The following TENT5C variants were observed in gnomAD, a reference collection of about 807,000 sequenced individuals.
The protein encoded by TENT5C is terminal nucleotidyltransferase 5C, also known as family with sequence similarity 46 member C.
Under a neutral mutation model 22.2 loss-of-function variants are expected in TENT5C, and 5 were observed. That is an observed-to-expected ratio of 0.22 (90% CI 0.12 to 0.47). The LOEUF is 0.47. TENT5C is among the 20% of genes least tolerant of loss of function. The pLI is 0.99. For missense variants in TENT5C, 364 were observed against 500.9 expected, an observed-to-expected ratio of 0.73 and a Z score of 2.61; for synonymous variants, 199 against 195.4, an observed-to-expected ratio of 1.02 and a Z score of -0.15.
At position 117,624,285 on chromosome 1, in the gene TENT5C, A is replaced by G. The variant is rs1558008262; in HGVS notation, c.*241A>G. 2.0e-6 allele frequency: 1 copy of G among 492,182 alleles called. No homozygotes were observed. The highest frequency in any genetic ancestry group is 3.6e-6 in the Non-Finnish European group (1 of 276,994). The allele number at this position is 492,182 out of a possible 1,614,324, so 30.5% of individuals were successfully genotyped here. A position where few individuals can be genotyped will look rare whatever the true frequency, so the allele number is the denominator to read the frequency against. On this transcript the variant is annotated 3_prime_UTR_variant, in exon 2 of 2. Coordinates refer to ENST00000369448, the MANE Select transcript of TENT5C (RefSeq NM_017709.4). ...GAAAACGCTACAGGAAGCATGACCT[A>G]TCCACATCTTTCCAAGATAGACACT...
rs1228192589 is a variant in TENT5C, at chr1:117,611,710, G to A, written c.-28+5557G>A. ...ATTTTTTAAAAAATTAGCTGGGTGT[G>A]GTGGCACGTGCCTGTGGTACCAGCT... On this transcript the variant is annotated intron_variant, in intron 1 of 1. Coordinates refer to ENST00000369448, the MANE Select transcript of TENT5C (RefSeq NM_017709.4). 2.0e-5 allele frequency among the ~76,000 whole-genome samples: 3 copies of A among 152,042 alleles called. No individual in the cohort carries two copies. The East Asian group carries it at 5.8e-4, about 29-fold the overall frequency.
chr1:117,621,681 G>T (rs538040455), intron 1 of TENT5C, among the ~76,000 whole-genome samples: 2 of 152,290 alleles, frequency 1.3e-5, no homozygotes, highest in South Asian at 4.1e-4. Context: ...TAGCAAGTCA[G>T]AAAGGCGGAG....
rs997497628 is a variant in TENT5C, at chr1:117,624,998, T to G, written c.*954T>G. ...TCCAGAGTCATTGTGGTAACTGACA[T>G]GAGGGTCTTCCCATGTTTTAACTGG... On this transcript the variant is annotated 3_prime_UTR_variant, in exon 2 of 2. Coordinates refer to ENST00000369448, the MANE Select transcript of TENT5C (RefSeq NM_017709.4). The G allele has an allele frequency of 2.0e-5, 5 of 247,994 alleles. No individual in the cohort carries two copies. Among genetic ancestry groups the G allele is most frequent in the African/African-American group, 8.8e-5 (4 of 45,334 alleles). 15.4% of individuals were successfully genotyped at this position (247,994 alleles called of 1,614,324 possible).
Position 117,623,051 on chromosome 1 carries a change from G to C in TENT5C, c.183G>C (p.Glu61Asp), listed in dbSNP as rs1653932856. 1 of 1,614,128 alleles carries C rather than the reference G, an allele frequency of 6.2e-7. No individual in the cohort carries two copies. Among genetic ancestry groups the C allele is most frequent in the African/African-American group, 1.3e-5 (1 of 74,940 alleles). ...IVQTVRSRLE[E>D]AGIKVHDVRL... The stretch of plus-strand genomic sequence containing the variant: ...AGACCGTCCGCAGTCGGCTGGAGGA[G>C]GCAGGCATCAAAGTGCACGACGTCC... The change falls in exon 2 of 2, where the codon GAG (glutamate) becomes GAC (aspartate). Residue 61 changes from glutamate to aspartate, a missense_variant. Physicochemically the swap from Glu to Asp is conservative, Grantham distance 45. This residue lies in a region of TENT5C where 303 missense variants were observed against 394.5 expected (regional missense o/e 0.77). Coordinates refer to ENST00000369448, the MANE Select transcript of TENT5C (RefSeq NM_017709.4).
chr1:117,625,545 CAG>C lies in TENT5C; in HGVS notation c.*1505_*1506del, dbSNP rs1413363977. ...TCCCTTAGAAAGCATCACTTCAGGG[CAG>C]AGACACTCAATATTGCCAGCCAGCT... On this transcript the variant is annotated 3_prime_UTR_variant, in exon 2 of 2. Coordinates refer to ENST00000369448, the MANE Select transcript of TENT5C (RefSeq NM_017709.4). 1 of 247,912 alleles carries C rather than the reference CAG, an allele frequency of 4.0e-6. No individual in the cohort carries two copies. The highest frequency in any genetic ancestry group is 8.5e-6 in the Non-Finnish European group (1 of 118,112). 15.4% of individuals were successfully genotyped at this position (247,912 alleles called of 1,614,324 possible).
At position 117,626,793 on chromosome 1, in the gene TENT5C, C is replaced by G. The variant is rs1293616825; in HGVS notation, c.*2749C>G. 1 of 248,004 alleles carries G rather than the reference C, an allele frequency of 4.0e-6. No homozygotes were observed. Among genetic ancestry groups the G allele is most frequent in the Non-Finnish European group, 8.5e-6 (1 of 118,142 alleles). 15.4% of individuals were successfully genotyped at this position (248,004 alleles called of 1,614,324 possible). A position where few individuals can be genotyped will look rare whatever the true frequency, so the allele number is the denominator to read the frequency against. Reference sequence around the variant, plus strand: ...AAGTTCTAATCTAAAGTTAAGCAGTCTCTTATTTGTTTCGGGACTCTGATT... The same window carrying G: ...AAGTTCTAATCTAAAGTTAAGCAGTGTCTTATTTGTTTCGGGACTCTGATT... On this transcript the variant is annotated 3_prime_UTR_variant, in exon 2 of 2. Coordinates refer to ENST00000369448, the MANE Select transcript of TENT5C (RefSeq NM_017709.4).
chr1:117,608,376 CCA>C (rs1653591343), intron 1 of TENT5C, among the ~76,000 whole-genome samples: 2 of 152,258 alleles, frequency 1.3e-5, no homozygotes, highest in South Asian at 4.1e-4. Context: ...CTCCCGAGTT[CCA>C]GAGGCCCGTC....
chr1:117,610,997 C>T (rs763946769), intron 1 of TENT5C, among the ~76,000 whole-genome samples: 1 of 152,164 alleles, frequency 6.6e-6, no homozygotes, highest in South Asian at 2.1e-4. Flanking sequence ...CTTCCGTTGC[C>T]GTAAGCATCT....
Position 117,623,791 on chromosome 1 carries a change from T to C in TENT5C, c.923T>C (p.Met308Thr), listed in dbSNP as rs770016455. 1 of 1,614,174 alleles carries C rather than the reference T, an allele frequency of 6.2e-7. No homozygotes were observed. The highest frequency in any genetic ancestry group is 2.2e-5 in the East Asian group (1 of 44,890). ...GAGAGAAGCAAGTACGACTACCTCA[T>C]GATCCTTCGCAGGGTGGTGAACGAG... The part of the protein sequence containing the change: ...EEERSKYDYL[M>T]ILRRVVNEST... The change falls in exon 2 of 2, where the codon ATG becomes ACG. Residue 308 changes from methionine to threonine, a missense_variant. Coordinates refer to ENST00000369448, the MANE Select transcript of TENT5C (RefSeq NM_017709.4).
Position 117,625,117 on chromosome 1 carries a change from T to G in TENT5C, c.*1073T>G. The stretch of plus-strand genomic sequence containing the variant: ...TTTTGTTCTTTTCGTTTTTTTTTTT[T>G]CCAAAAATAGTGACTTCCTTCTCCA... On this transcript the variant is annotated 3_prime_UTR_variant, in exon 2 of 2. Coordinates refer to ENST00000369448, the MANE Select transcript of TENT5C (RefSeq NM_017709.4). 4.0e-6 allele frequency: 1 copy of G among 247,636 alleles called. No homozygotes were observed. Among genetic ancestry groups the G allele is most frequent in the East Asian group, 6.0e-5 (1 of 16,572 alleles). 15.3% of individuals were successfully genotyped at this position (247,636 alleles called of 1,614,324 possible).
chr1:117,613,318 C>A (rs763717878), intron 1 of TENT5C, among the ~76,000 whole-genome samples: 3 of 152,240 alleles, frequency 2.0e-5, no homozygotes, highest in Non-Finnish European at 4.4e-5. Flanking sequence ...TTTGCAACCA[C>A]GTCAGAGTAT....
chr1:117,620,018 A>G (rs961532396), intron 1 of TENT5C, among the ~76,000 whole-genome samples: 4 of 152,124 alleles, frequency 2.6e-5, no homozygotes, highest in Non-Finnish European at 5.9e-5. Context: ...TTCTGTCTAA[A>G]ACAAATTCTA....
chr1:117,624,089 A>G lies in TENT5C; in HGVS notation c.*45A>G. The stretch of plus-strand genomic sequence containing the variant: ...CCACAGTGGGAACCCCAATAGGGCT[A>G]GGGCTCTCAGGTAGGGGAGCCTCCT... On this transcript the variant is annotated 3_prime_UTR_variant, in exon 2 of 2. Transcript: ENST00000369448. 6.6e-7 allele frequency: 1 copy of G among 1,508,466 alleles called. No homozygotes were observed. The highest frequency in any genetic ancestry group is 9.0e-7 in the Non-Finnish European group (1 of 1,113,652). 93.4% of individuals were successfully genotyped at this position (1,508,466 alleles called of 1,614,324 possible).
Position 117,623,861 on chromosome 1 carries a change from C to T in TENT5C, c.993C>T (p.Asn331=), listed in dbSNP as rs1653951451. The stretch of plus-strand genomic sequence containing the variant: ...GGCATGAACGCAGGCAGACTCTGAA[C>T]CTCATCTCCCTCCTGGCCTTGCGTG... The part of the protein sequence containing the change: ...LMGHERRQTL[N]LISLLALRVL... Residue 331 remains asparagine, a synonymous_variant, in exon 2 of 2, where the codon AAC becomes AAT. Transcript: ENST00000369448. The T allele has an allele frequency of 1.9e-6, 3 of 1,614,134 alleles. No homozygotes were observed. The highest frequency in any genetic ancestry group is 2.2e-5 in the East Asian group (1 of 44,878).
Position 117,623,096 on chromosome 1 carries a change from T to TG in TENT5C, c.230dup (p.His78ProfsTer32). On this transcript the variant is annotated frameshift_variant, in exon 2 of 2. Coordinates refer to ENST00000369448, the MANE Select transcript of TENT5C (RefSeq NM_017709.4). LOFTEE classifies it high-confidence loss of function. ...ACGTCCGGCTGAATGGCTCCGCAGC[T>TG]GGCCACGTTTTGGTCAAAGACAATG... The TG allele has an allele frequency of 6.2e-7, 1 of 1,614,260 alleles. No individual in the cohort carries two copies. The highest frequency in any genetic ancestry group is 8.5e-7 in the Non-Finnish European group (1 of 1,180,054).
At chr1:117,616,244 G>C (rs553941269) in intron 1 of TENT5C, among the ~76,000 whole-genome samples, 1 of 152,356 alleles carries the variant, frequency 6.6e-6, no homozygotes, top group South Asian at 2.1e-4. Context: ...TTGAAGTGAA[G>C]TGGCTCATAC....
Position 117,626,069 on chromosome 1 carries a change from T to G in TENT5C, c.*2025T>G, listed in dbSNP as rs534147233. On this transcript the variant is annotated 3_prime_UTR_variant, in exon 2 of 2. Coordinates refer to ENST00000369448, the MANE Select transcript of TENT5C (RefSeq NM_017709.4). Reference sequence around the variant, plus strand: ...CATTCATGACCTTAAAAAGCTGCCATGGTGGTCAAATGGCATGTGTTTGCA... The same window carrying G: ...CATTCATGACCTTAAAAAGCTGCCAGGGTGGTCAAATGGCATGTGTTTGCA... 8.1e-6 allele frequency: 2 copies of G among 247,908 alleles called. No homozygotes were observed. The highest frequency in any genetic ancestry group is 1.7e-5 in the Non-Finnish European group (2 of 118,034). 15.4% of individuals were successfully genotyped at this position (247,908 alleles called of 1,614,324 possible).
At chr1:117,613,029 CCTT>C (rs1035539978) in intron 1 of TENT5C, among the ~76,000 whole-genome samples, 3 of 152,170 alleles carry the variant, frequency 2.0e-5, no homozygotes, top group African/African-American at 7.2e-5. Flanking sequence ...GCAGTCTCCT[CCTT>C]AGGAATCATC....
chr1:117,619,987 C>T (rs1653859969), intron 1 of TENT5C, among the ~76,000 whole-genome samples: 1 of 152,182 alleles, frequency 6.6e-6, no homozygotes, highest in Admixed American at 6.5e-5. Context: ...TCTGCCTCTC[C>T]TACCATATGA....
Sources: allele counts gnomAD v4.1 joint callset (sites outside exome capture counted in the v4.1 genomes callset), GRCh38; gene constraint gnomAD v4.1.1; regional missense constraint gnomAD v4.1.1; transcripts MANE v1.5; gene names NCBI Gene and HGNC (gene_info 2026-07-23, HGNC 2026-07-21).